SEC13: variants seen among roughly 807,000 people sequenced by gnomAD.
The protein encoded by SEC13 is protein SEC13 homolog.
A neutral mutation model predicts 49.2 loss-of-function variants in SEC13; 25 were observed. The observed-to-expected ratio is 0.51, with a 90% CI of 0.37 to 0.71. The LOEUF (loss-of-function observed/expected upper bound fraction) is 0.71, where lower values mean the gene tolerates loss of function less well. SEC13 is among the 30% of genes least tolerant of loss of function. SEC13 has a pLI of 0.00. For synonymous variants in SEC13, 148 were observed against 163.9 expected (o/e 0.90, Z 0.74); for missense variants, 383 against 417.6 (o/e 0.92, Z 0.72).
rs749722113 is a variant in SEC13, at chr3:10,321,001, C to T, written c.3+49G>A. On this transcript the variant is annotated intron_variant, in intron 1 of 8. Coordinates refer to ENST00000350697, the MANE Select transcript of SEC13 (RefSeq NM_183352.3). This position sits in a 1 kb window ranked among gnomAD's most constrained non-coding sequence, Gnocchi z 4.1. The stretch of plus-strand genomic sequence containing the variant: ...GGACGGCCGAGGAACCCGTGAAGGC[C>T]GCGACCGTGGCCTTCACCCTGCTAG... 13 of 1,606,490 alleles carry T rather than the reference C, an allele frequency of 8.1e-6. No individual in the cohort carries two copies. The highest frequency in any genetic ancestry group is 1.4e-5 in the African/African-American group (1 of 73,968).
intron 5 of SEC13, among the ~76,000 whole-genome samples, chr3:10,306,854 C>T (rs1318418574): frequency 6.6e-6 from 1 of 152,182 alleles, no homozygotes; most frequent in East Asian, 1.9e-4. Context: ...TGTGAGGTTT[C>T]CCCAGCTACG....
At chr3:10,319,167 C>G (rs758436610) in intron 1 of SEC13, 3 of 1,612,736 alleles carry the variant, frequency 1.9e-6, no homozygotes, top group Non-Finnish European at 2.5e-6. Context: ...TTTTCCAGCA[C>G]AAGCCCTGTA....
At chr3:10,313,825 G>A in intron 3 of SEC13, 1 of 158,026 alleles carries the variant, frequency 6.3e-6, no homozygotes, top group Non-Finnish European at 1.4e-5. Context: ...CACTGCAGCA[G>A]CTCTCTGCCT....
At chr3:10,315,560 T>C (rs1192982789) in intron 2 of SEC13, 124 bp from the exon 3 acceptor site, 2 of 638,118 alleles carry the variant, frequency 3.1e-6, no homozygotes, top group Non-Finnish European at 5.6e-6. Context: ...GATCTCAAAG[T>C]ATCATCACCC....
intron 5 of SEC13, 193 bp downstream of exon 5, chr3:10,311,772 G>C: frequency 7.0e-7 from 1 of 1,433,320 alleles, no homozygotes; most frequent in Non-Finnish European, 9.2e-7. Context: ...AGGAAGCAGT[G>C]CCAAGCCCTG....
intron 2 of SEC13, among the ~76,000 whole-genome samples, chr3:10,315,864 G>A (rs560426749): frequency 1.3e-5 from 2 of 152,352 alleles, no homozygotes; most frequent in South Asian, 4.1e-4. Context: ...ATGGGAGCAG[G>A]CCAAAGGAGT....
rs778414563 is a variant in SEC13 at position 10,321,075 on chromosome 3, G to A, written c.-23C>T. The stretch of plus-strand genomic sequence containing the variant: ...CATGATTGCGGCGGTGGCTGCTCCA[G>A]GTCTCGGACGTGGCAGCTCCCGGCG... On this transcript the variant is annotated 5_prime_UTR_variant, in exon 1 of 9. Transcript: ENST00000350697. The surrounding 1 kb of genome is among the most constrained non-coding windows in gnomAD (Gnocchi z 4.1). 2.5e-6 allele frequency: 4 copies of A among 1,612,732 alleles called. No homozygotes were observed. Among genetic ancestry groups the A allele is most frequent in the African/African-American group, 2.7e-5 (2 of 74,736 alleles).
intron 4 of SEC13, among the ~76,000 whole-genome samples, chr3:10,312,364 G>T (rs1357459072): frequency 6.6e-6 from 1 of 152,200 alleles, no homozygotes; most frequent in Admixed American, 6.5e-5. Flanking sequence ...GAATAATCCT[G>T]AAGAGAAACT....
At chr3:10,320,905 G>T in intron 1 of SEC13, 145 bp downstream of exon 1, 1 of 1,464,292 alleles carries the variant, frequency 6.8e-7, no homozygotes, top group Non-Finnish European at 9.0e-7. Flanking sequence ...CGCAAGGACG[G>T]GGCCAGAGCC....
chr3:10,319,368 A>G, intron 1 of SEC13: 1 of 1,419,566 alleles, frequency 7.0e-7, no homozygotes, highest in Non-Finnish European at 9.4e-7. Context: ...GCCGAGCTGT[A>G]TAGGTTACAA....
rs761416424 is a variant in SEC13 at position 10,320,030 on chromosome 3, CTTCTT to C, written c.3+1015_3+1019del. Among the ~76,000 whole-genome samples, 406 of 145,772 alleles carry C rather than the reference CTTCTT, an allele frequency of 2.8e-3. 1 individual carries two copies. The highest frequency in any genetic ancestry group is 5.0e-3 in the Non-Finnish European group (330 of 66,466). ...GGGAGAGAGAGAGAGAGAGAGAGAA[CTTCTT>C]AGAGTACTTCTTCCCAGGGACCTGG... On this transcript the variant is annotated intron_variant, in intron 1 of 8. Transcript: ENST00000350697.
chr3:10,319,744 T>C (rs564733847), intron 1 of SEC13, among the ~76,000 whole-genome samples: 11 of 122,864 alleles, frequency 9.0e-5, no homozygotes, highest in East Asian at 7.3e-4. Flanking sequence ...TCAGGGTTGA[T>C]GAACCACACT....
At chr3:10,313,353 T>C (rs1322678701) in intron 3 of SEC13, 3 of 498,676 alleles carry the variant, frequency 6.0e-6, no homozygotes, top group Non-Finnish European at 1.3e-5. Flanking sequence ...TAGAGTAGCA[T>C]GGTAGAGTTA....
chr3:10,301,997 T>C (rs1185221475), intron 8 of SEC13, among the ~76,000 whole-genome samples: 2 of 152,070 alleles, frequency 1.3e-5, no homozygotes, highest in Non-Finnish European at 2.9e-5. Flanking sequence ...ATCTCAGCAC[T>C]TTGGGAGGCT....
chr3:10,310,370 A>G (rs1469609563), intron 5 of SEC13, among the ~76,000 whole-genome samples: 1 of 152,088 alleles, frequency 6.6e-6, no homozygotes, highest in Admixed American at 6.6e-5. Flanking sequence ...GTGTGCCTGT[A>G]ATTCCAGCTG....
intron 6 of SEC13, 138 bp from the exon 7 acceptor site, chr3:10,305,294 T>C (rs1300167589): frequency 8.4e-6 from 11 of 1,310,294 alleles, no homozygotes; most frequent in Admixed American, 3.0e-5. Context: ...TGGCATTTTA[T>C]TCCCTTCACC....
rs755716625 is a variant in SEC13 at position 10,301,250 on chromosome 3, C to T, written c.*11G>A. On this transcript the variant is annotated 3_prime_UTR_variant, in exon 9 of 9. Coordinates refer to ENST00000350697, the MANE Select transcript of SEC13 (RefSeq NM_183352.3). ...AGCTGGCGGGTGGGGAGCCAGGCCC[C>T]ACCTGTCTTGTCACTGCTCGTTCTG... 3.1e-6 allele frequency: 5 copies of T among 1,614,050 alleles called. No individual in the cohort carries two copies. Among genetic ancestry groups the T allele is most frequent in the South Asian group, 2.2e-5 (2 of 91,088 alleles).
rs754104425 is a variant in SEC13 at position 10,305,020 on chromosome 3, G to A, written c.708+13C>T. On this transcript the variant is annotated intron_variant, in intron 7 of 8. Coordinates refer to ENST00000350697, the MANE Select transcript of SEC13 (RefSeq NM_183352.3). ...GACTAAATGACAAGGGATACTCATG[G>A]CCCTGGGCTGACCTGGGAGCAGCTG... The A allele has an allele frequency of 9.9e-6, 16 of 1,613,878 alleles. No homozygotes were observed. The highest frequency in any genetic ancestry group is 1.4e-5 in the Non-Finnish European group (16 of 1,180,034).
intron 1 of SEC13, chr3:10,319,409 C>T: frequency 1.2e-6 from 1 of 859,004 alleles, no homozygotes; most frequent in Non-Finnish European, 1.7e-6. Context: ...GGGCAGGGTA[C>T]CAAGGGCACA....
Sources: gnomAD v4.1 joint callset for allele counts (sites outside exome capture counted in the v4.1 genomes callset) on GRCh38, gnomAD v4.1.1 for gene constraint, Gnocchi (gnomAD v3.1) non-coding constraint, MANE v1.5 for transcripts, NCBI Gene and HGNC (gene_info 2026-07-23, HGNC 2026-07-21) for gene names.